The following PRKCG variants were observed in gnomAD, a reference collection of about 807,000 sequenced individuals.
PRKCG encodes protein kinase C gamma.
A neutral mutation model predicts 82.0 loss-of-function variants in PRKCG; 28 were observed. The observed-to-expected ratio is 0.34, with a 90% CI of 0.25 to 0.47. The LOEUF (loss-of-function observed/expected upper bound fraction) is 0.47. Among genes scored for constraint, PRKCG ranks in the 20% least tolerant of loss-of-function variants. PRKCG has a pLI of 1.00. For missense variants in PRKCG, 640 were observed against 952.7 expected (o/e 0.67, Z 4.32); for synonymous variants, 383 against 376.6 (o/e 1.02, Z -0.20).
In PRKCG at chr19:53,904,565, G is replaced by A; in HGVS notation, c.1657-70G>A. Reference sequence around the variant, plus strand: ...TCAGGCATGTTCCCGGTGGGGTGAGGAGGGTGTGGAAGGTTTGGGGAAAGG... The same window carrying A: ...TCAGGCATGTTCCCGGTGGGGTGAGAAGGGTGTGGAAGGTTTGGGGAAAGG... On this transcript the variant is annotated intron_variant, in intron 15 of 17. Transcript: ENST00000263431. 11 of 1,345,100 alleles carry A rather than the reference G, an allele frequency of 8.2e-6. No individual in the cohort carries two copies. The South Asian group carries it at 1.2e-4, about 15-fold the overall frequency. The allele number at this position is 1,345,100 out of a possible 1,614,324, so 83.3% of individuals were successfully genotyped here. A position where few individuals can be genotyped will look rare whatever the true frequency, so the allele number is the denominator to read the frequency against.
In PRKCG at chr19:53,906,868, C is replaced by G; in HGVS notation, c.2067C>G (p.Thr689=). ...TGCACCCGGATGCCCGCAGCCCCACCAGCCCAGTGCCTGTGCCCGTCATGT... is the reference window on the plus strand; with the variant it reads ...TGCACCCGGATGCCCGCAGCCCCACGAGCCCAGTGCCTGTGCCCGTCATGT... The part of the protein sequence containing the change: ...DFVHPDARSP[T]SPVPVPVM The change falls in exon 18 of 18, where the codon ACC becomes ACG. Residue 689 remains threonine (T), a synonymous_variant. Transcript: ENST00000263431. The G allele has an allele frequency of 1.2e-6, 2 of 1,613,624 alleles. No individual in the cohort carries two copies. Among genetic ancestry groups the G allele is most frequent in the Non-Finnish European group, 1.7e-6 (2 of 1,179,978 alleles).
intron 9 of PRKCG, among the ~76,000 whole-genome samples, chr19:53,895,555 G>T (rs1485164422): frequency 6.6e-6 from 1 of 150,968 alleles, no homozygotes; most frequent in African/African-American, 2.4e-5. Context: ...ACATGTTATA[G>T]TCTTTACTGG....
chr19:53,899,869 G>C (rs1348673850), intron 11 of PRKCG, among the ~76,000 whole-genome samples: 1 of 152,218 alleles, frequency 6.6e-6, no homozygotes, highest in African/African-American at 2.4e-5. Flanking sequence ...TTACAGGCGT[G>C]AGCCACCACG....
At chr19:53,905,914 GTCTCTCTCTC>G (rs371309466) in intron 16 of PRKCG, among the ~76,000 whole-genome samples, 445 of 126,538 alleles carry the variant, frequency 3.5e-3, no homozygotes, top group Non-Finnish European at 5.4e-3. Context: ...CCTTCTTCCT[GTCTCTCTCTC>G]TCTCTCTCTC....
Position 53,883,073 on chromosome 19 carries a change from G to A in PRKCG, c.171-90G>A. On this transcript the variant is annotated intron_variant, in intron 1 of 17. Coordinates refer to ENST00000263431, the MANE Select transcript of PRKCG (RefSeq NM_002739.5). This position sits in a 1 kb window ranked among gnomAD's most constrained non-coding sequence, Gnocchi z 5.4. ...GGACACCTGGGCCCTGCGGGAGGAGGGTCAGAGAGCGCAGGCCCCCTGTGG... is the reference window on the plus strand; with the variant it reads ...GGACACCTGGGCCCTGCGGGAGGAGAGTCAGAGAGCGCAGGCCCCCTGTGG... The A allele has an allele frequency of 3.3e-6, 5 of 1,519,244 alleles. No individual in the cohort carries two copies. Among genetic ancestry groups the A allele is most frequent in the South Asian group, 2.2e-5 (2 of 89,190 alleles). The allele number at this position is 1,519,244 out of a possible 1,614,324, so 94.1% of individuals were successfully genotyped here.
intron 3 of PRKCG, among the ~76,000 whole-genome samples, chr19:53,886,582 T>G (rs1451753611): frequency 6.6e-6 from 1 of 152,024 alleles, no homozygotes; most frequent in Non-Finnish European, 1.5e-5. Flanking sequence ...TAAAAAAAAA[T>G]GTTTTTGTAG....
chr19:53,883,320 G>T lies in PRKCG; in HGVS notation c.202+126G>T. ...AGGCGCGGGGGAGCCCGGGGCGGGG[G>T]GTGTGGCAGAGACACAGCCTGTGGT... On this transcript the variant is annotated intron_variant, in intron 2 of 17. Coordinates refer to ENST00000263431, the MANE Select transcript of PRKCG (RefSeq NM_002739.5). The surrounding 1 kb of genome is among the most constrained non-coding windows in gnomAD (Gnocchi z 5.4). The T allele has an allele frequency of 7.5e-6, 9 of 1,195,066 alleles. No individual in the cohort carries two copies. The highest frequency in any genetic ancestry group is 1.1e-5 in the Non-Finnish European group (9 of 824,098). 74.0% of individuals were successfully genotyped at this position (1,195,066 alleles called of 1,614,324 possible).
rs1357887222 is a variant in PRKCG, at chr19:53,884,738, G to A, written c.285+495G>A. On this transcript the variant is annotated intron_variant, in intron 3 of 17. Transcript: ENST00000263431. This position sits in a 1 kb window ranked among gnomAD's most constrained non-coding sequence, Gnocchi z 4.6. ...AGGAATTTGGAGGCACCAAAAGATGGACAGAGAAACTCCAAGAGACGGAGA... is the reference window on the plus strand; with the variant it reads ...AGGAATTTGGAGGCACCAAAAGATGAACAGAGAAACTCCAAGAGACGGAGA... Among the ~76,000 whole-genome samples the A allele has an allele frequency of 1.3e-5, 2 of 152,132 alleles. No individual in the cohort carries two copies. The highest frequency in any genetic ancestry group is 2.9e-5 in the Non-Finnish European group (2 of 68,046).
intron 11 of PRKCG, among the ~76,000 whole-genome samples, chr19:53,899,115 G>A (rs1370633590): frequency 6.6e-6 from 1 of 151,298 alleles, no homozygotes; most frequent in Non-Finnish European, 1.5e-5. Flanking sequence ...TCTTCGGAGG[G>A]CGTGGTCGGG....
At position 53,906,955 on chromosome 19, in the gene PRKCG, A is replaced by T; in HGVS notation, c.*60A>T. 1 of 1,524,132 alleles carries T rather than the reference A, an allele frequency of 6.6e-7. No homozygotes were observed. The highest frequency in any genetic ancestry group is 8.7e-7 in the Non-Finnish European group (1 of 1,143,298). The allele number at this position is 1,524,132 out of a possible 1,614,324, so 94.4% of individuals were successfully genotyped here. A position where few individuals can be genotyped will look rare whatever the true frequency, so the allele number is the denominator to read the frequency against. ...CCTCCGCCGTGCCGGCGGCAGCCCCACTTCACCCCCAACTTCACCACCCCC... is the reference window on the plus strand; with the variant it reads ...CCTCCGCCGTGCCGGCGGCAGCCCCTCTTCACCCCCAACTTCACCACCCCC... On this transcript the variant is annotated 3_prime_UTR_variant, in exon 18 of 18. Transcript: ENST00000263431.
At position 53,897,912 on chromosome 19, in the gene PRKCG, T is replaced by C. The variant is rs754685182; in HGVS notation, c.940-47T>C. 8 of 1,612,424 alleles carry C rather than the reference T, an allele frequency of 5.0e-6. No individual in the cohort carries two copies. The East Asian group carries it at 1.6e-4, about 31-fold the overall frequency. ...TCTCTTGGGAGCATTTCCTTATCGC[T>C]GTGTAAGGTCTAACTGCCTCTGGCT... On this transcript the variant is annotated intron_variant, in intron 9 of 17. Coordinates refer to ENST00000263431, the MANE Select transcript of PRKCG (RefSeq NM_002739.5).
chr19:53,904,133 C>T (rs777433554), intron 15 of PRKCG, among the ~76,000 whole-genome samples: 102 of 151,982 alleles, frequency 6.7e-4, no homozygotes, highest in Admixed American at 3.7e-3. Context: ...TGGTGGCTCA[C>T]GCCTGTAATC....
intron 5 of PRKCG, among the ~76,000 whole-genome samples, 176 bp downstream of exon 5, chr19:53,890,193 T>G (rs2122990246): frequency 6.6e-6 from 1 of 151,962 alleles, no homozygotes; most frequent in East Asian, 1.9e-4. Context: ...CCATACCCCT[T>G]TTGGCTCGAA....
In PRKCG at chr19:53,883,238, G is replaced by A. The variant is rs1188341675; in HGVS notation, c.202+44G>A. The A allele has an allele frequency of 1.2e-6, 2 of 1,612,718 alleles. No individual in the cohort carries two copies. The highest frequency in any genetic ancestry group is 2.2e-5 in the East Asian group (1 of 44,848). On this transcript the variant is annotated intron_variant, in intron 2 of 17. Transcript: ENST00000263431. This position sits in a 1 kb window ranked among gnomAD's most constrained non-coding sequence, Gnocchi z 5.4. ...GGCTCCTGGGACCCTCAGGAGGGTGGAGGCTGGGGCCCCACAGCTGAGGCT... is the reference window on the plus strand; with the variant it reads ...GGCTCCTGGGACCCTCAGGAGGGTGAAGGCTGGGGCCCCACAGCTGAGGCT...
chr19:53,898,728 T>G, intron 11 of PRKCG, 100 bp downstream of exon 11: 1 of 1,073,856 alleles, frequency 9.3e-7, no homozygotes, highest in Non-Finnish European at 1.3e-6. Context: ...CAAGAGAACT[T>G]TGTGCTCTCT....
chr19:53,898,234 T>C, intron 10 of PRKCG, 123 bp downstream of exon 10: 2 of 1,461,718 alleles, frequency 1.4e-6, no homozygotes. Context: ...TATGGTTAGG[T>C]TGGGCCGTTC....
rs921930633 is a variant in PRKCG, at chr19:53,884,302, G to T, written c.285+59G>T. The T allele has an allele frequency of 1.3e-5, 20 of 1,490,376 alleles. No individual in the cohort carries two copies. The Admixed American group carries it at 1.8e-4, about 14-fold the overall frequency. 92.3% of individuals were successfully genotyped at this position (1,490,376 alleles called of 1,614,324 possible). ...GCCGTGCCCCCGCCCTCACCCCCTC[G>T]GCGTCCGTCCCAATTTCTCCTGCTA... On this transcript the variant is annotated intron_variant, in intron 3 of 17. Coordinates refer to ENST00000263431, the MANE Select transcript of PRKCG (RefSeq NM_002739.5). The surrounding 1 kb of genome is among the most constrained non-coding windows in gnomAD (Gnocchi z 4.6).
rs779160754 is a variant in PRKCG, at chr19:53,884,219, C to A, written c.261C>A (p.Gly87=). 6.2e-7 allele frequency: 1 copy of A among 1,614,068 alleles called. No individual in the cohort carries two copies. Among genetic ancestry groups the A allele is most frequent in the East Asian group, 2.2e-5 (1 of 44,876 alleles). The change falls in exon 3 of 18, where the codon GGC becomes GGA. Residue 87 remains glycine (G), a synonymous_variant. Transcript: ENST00000263431. This position sits in a 1 kb window ranked among gnomAD's most constrained non-coding sequence, Gnocchi z 4.6. ...AATTTGTGACCTTCGAGTGTCCAGG[C>A]GCTGGGAAGGGCCCCCAGACGGACG... ...CHEFVTFECP[G]AGKGPQTDDP...
chr19:53,892,817 TCTC>T lies in PRKCG; in HGVS notation c.822-170_822-168del, dbSNP rs1466320409. Among the ~76,000 whole-genome samples the T allele has an allele frequency of 1.3e-5, 2 of 151,230 alleles. No individual in the cohort carries two copies. Among genetic ancestry groups the T allele is most frequent in the East Asian group, 1.9e-4 (1 of 5,138 alleles). On this transcript the variant is annotated intron_variant, in intron 7 of 17. Transcript: ENST00000263431. This position sits in a 1 kb window ranked among gnomAD's most constrained non-coding sequence, Gnocchi z 5.9. ...GCACACACCCCTCTCTCTCTATTCT[TCTC>T]TTCTTCTCCCCTCCCTTTCTCCCTC...
Sources: allele counts gnomAD v4.1 joint callset (sites outside exome capture counted in the v4.1 genomes callset), GRCh38; gene constraint gnomAD v4.1.1; non-coding constraint Gnocchi (gnomAD v3.1); transcripts MANE v1.5; gene names NCBI Gene and HGNC (gene_info 2026-07-23, HGNC 2026-07-21).